Variants in SEZ6L observed in about 807,000 individuals in gnomAD.
SEZ6L encodes seizure 6-like protein.
In SEZ6L, 37 loss-of-function variants were observed where a neutral mutation model predicts 106.2. That is an observed-to-expected ratio of 0.35 (90% confidence interval 0.27 to 0.46). The LOEUF (loss-of-function observed/expected upper bound fraction) is 0.46, where lower values mean the gene tolerates loss of function less well. Ranked by LOEUF, SEZ6L falls within the 20% of genes least tolerant of loss-of-function variation. The pLI, the probability that SEZ6L is intolerant of heterozygous loss-of-function variation, is 1.00. For synonymous variants in SEZ6L, 541 were observed against 570.4 expected (o/e 0.95, Z 0.73); for missense variants, 1,172 against 1,332.8 (o/e 0.88, Z 1.88).
intron 1 of SEZ6L, among the ~76,000 whole-genome samples, chr22:26,227,641 A>G (rs1335740126): frequency 1.3e-5 from 2 of 148,764 alleles, no homozygotes; most frequent in South Asian, 2.1e-4. Context: ...CTGGTCTTGA[A>G]CTCCTGGCTT....
chr22:26,280,267 T>TAC (rs199924256), intron 1 of SEZ6L, among the ~76,000 whole-genome samples: 1 of 96,034 alleles, frequency 1.0e-5, no homozygotes, highest in Non-Finnish European at 2.3e-5. Context: ...CGTACATTTA[T>TAC]ACACATATAT....
intron 10 of SEZ6L, among the ~76,000 whole-genome samples, chr22:26,346,890 G>A (rs1248151507): frequency 1.3e-5 from 2 of 152,136 alleles, no homozygotes; most frequent in Non-Finnish European, 2.9e-5. Flanking sequence ...TGTTGGTAGG[G>A]ACTACACAAG....
intron 9 of SEZ6L, among the ~76,000 whole-genome samples, chr22:26,325,817 A>T (rs754719532): frequency 6.6e-6 from 1 of 152,166 alleles, no homozygotes; most frequent in African/African-American, 2.4e-5. Context: ...GCAAGGGCTT[A>T]GTACATTACA....
chr22:26,265,870 C>T (rs991496205), intron 1 of SEZ6L, among the ~76,000 whole-genome samples: 1 of 152,172 alleles, frequency 6.6e-6, no homozygotes, highest in African/African-American at 2.4e-5. Flanking sequence ...GGCCTTCTTC[C>T]TATTCAGTAA....
At chr22:26,266,970 G>T (rs1197124824) in intron 1 of SEZ6L, among the ~76,000 whole-genome samples, 1 of 152,196 alleles carries the variant, frequency 6.6e-6, no homozygotes, top group Non-Finnish European at 1.5e-5. Context: ...AATGATGTTA[G>T]AGCTGAGATG....
At chr22:26,179,993 A>T (rs552204484) in intron 1 of SEZ6L, among the ~76,000 whole-genome samples, 1 of 152,342 alleles carries the variant, frequency 6.6e-6, no homozygotes, top group Non-Finnish European at 1.5e-5. Flanking sequence ...AGTGCCCAGT[A>T]GCTATGTGTG....
At chr22:26,204,461 C>A (rs1941178692) in intron 1 of SEZ6L, among the ~76,000 whole-genome samples, 2 of 152,222 alleles carry the variant, frequency 1.3e-5, no homozygotes, top group East Asian at 1.9e-4. Context: ...ACAGATATTA[C>A]AAATATCACC....
intron 1 of SEZ6L, among the ~76,000 whole-genome samples, chr22:26,256,902 T>G (rs1183512789): frequency 6.6e-6 from 1 of 152,162 alleles, no homozygotes; most frequent in Non-Finnish European, 1.5e-5. Context: ...AACATGCTCC[T>G]GTTGCAGCAG....
chr22:26,208,207 G>A (rs112397346), intron 1 of SEZ6L, among the ~76,000 whole-genome samples: 84 of 152,124 alleles, frequency 5.5e-4, no homozygotes, highest in Non-Finnish European at 1.0e-3. Flanking sequence ...GAGCCACTGC[G>A]CCCGGCCATA....
intron 12 of SEZ6L, among the ~76,000 whole-genome samples, chr22:26,360,976 C>A (rs529341127): frequency 6.6e-6 from 1 of 152,036 alleles, no homozygotes; most frequent in Non-Finnish European, 1.5e-5. Context: ...TGTTGTGCAC[C>A]GGGCTGCACT....
In SEZ6L at chr22:26,246,131, A is replaced by G. The variant is rs534442101; in HGVS notation, c.95-46275A>G. 1.7e-3 allele frequency among the ~76,000 whole-genome samples: 261 copies of G among 152,354 alleles called. 1 individual carries two copies. Among genetic ancestry groups the G allele is most frequent in the African/African-American group, 5.9e-3 (244 of 41,586 alleles). Reference sequence around the variant, plus strand: ...TAGTCCTTAGACATTCACTTGTCTTAGTCTTAATAATTGACCAAATCTCCT... The same window carrying G: ...TAGTCCTTAGACATTCACTTGTCTTGGTCTTAATAATTGACCAAATCTCCT... On this transcript the variant is annotated intron_variant, in intron 1 of 16. Transcript: ENST00000248933.
chr22:26,353,407 G>A (rs979991998), intron 12 of SEZ6L, among the ~76,000 whole-genome samples: 8 of 152,274 alleles, frequency 5.3e-5, no homozygotes, highest in Admixed American at 6.5e-5. Context: ...TATTCAGAGG[G>A]AAGTACAAAT....
At chr22:26,246,308 T>C (rs937353493) in intron 1 of SEZ6L, among the ~76,000 whole-genome samples, 4 of 152,156 alleles carry the variant, frequency 2.6e-5, no homozygotes, top group Admixed American at 6.5e-5. Flanking sequence ...ACAGATTTAG[T>C]CCACATCGTA....
intron 1 of SEZ6L, among the ~76,000 whole-genome samples, chr22:26,276,936 A>G (rs147829587): frequency 8.9e-4 from 136 of 152,324 alleles, no homozygotes; most frequent in African/African-American, 3.1e-3. Context: ...CACGAGGAAG[A>G]TGGATGCAGG....
intron 1 of SEZ6L, among the ~76,000 whole-genome samples, chr22:26,187,358 C>T (rs1406682918): frequency 1.3e-5 from 2 of 152,220 alleles, no homozygotes; most frequent in African/African-American, 4.8e-5. Context: ...CGAGATCCCT[C>T]TCCCAACACG....
At chr22:26,377,254 T>C (rs1485795836) in intron 15 of SEZ6L, among the ~76,000 whole-genome samples, 3 of 152,204 alleles carry the variant, frequency 2.0e-5, no homozygotes, top group Non-Finnish European at 4.4e-5. Context: ...ACAACCCGGG[T>C]GACAGAGCAA....
At chr22:26,304,369 G>GAAAGAAAGAAAGA (rs1556332058) in intron 5 of SEZ6L, among the ~76,000 whole-genome samples, 3 of 98,304 alleles carry the variant, frequency 3.1e-5, no homozygotes, top group African/African-American at 1.3e-4. Flanking sequence ...AAAAAAGAAA[G>GAAAGAAAGAAAGA]AAGAAAGAAA....
intron 6 of SEZ6L, among the ~76,000 whole-genome samples, chr22:26,306,428 C>G (rs971326381): frequency 6.6e-6 from 1 of 152,144 alleles, no homozygotes; most frequent in Non-Finnish European, 1.5e-5. Context: ...CTTGCACACC[C>G]CTTTTTGCAG....
At chr22:26,319,882 C>T (rs1336480904) in intron 9 of SEZ6L, among the ~76,000 whole-genome samples, 2 of 152,136 alleles carry the variant, frequency 1.3e-5, no homozygotes. Context: ...ATCATACAGA[C>T]ATGAGGCTTC....
Sources: allele counts gnomAD v4.1 joint callset (sites outside exome capture counted in the v4.1 genomes callset), GRCh38; gene constraint gnomAD v4.1.1; transcripts MANE v1.5; gene names NCBI Gene and HGNC (gene_info 2026-07-23, HGNC 2026-07-21).